The following CD109 variants were observed in gnomAD, a reference collection of about 807,000 sequenced individuals.
The protein encoded by CD109 is CD109 antigen.
Under a neutral mutation model 165.8 loss-of-function variants are expected in CD109, and 149 were observed. The ratio of observed to expected loss-of-function variants is 0.90; its 90% CI spans 0.79 to 1.03. The LOEUF (loss-of-function observed/expected upper bound fraction) is 1.03, where lower values mean the gene tolerates loss of function less well. Ranked by LOEUF, CD109 falls within the 50% of genes least tolerant of loss-of-function variation. The pLI is 0.00. For missense variants in CD109, 1,712 were observed against 1,677.8 expected (o/e 1.02, Z -0.36); for synonymous variants, 585 against 592.1 (o/e 0.99, Z 0.18).
At chr6:73,819,092 C>T (rs1221755878) in intron 31 of CD109, among the ~76,000 whole-genome samples, 1 of 152,212 alleles carries the variant, frequency 6.6e-6, no homozygotes, top group East Asian at 1.9e-4. Context: ...GTCTTGGCTT[C>T]TCAAAGTGTT....
At chr6:73,812,884 A>C (rs1775801739) in intron 29 of CD109, among the ~76,000 whole-genome samples, 1 of 152,134 alleles carries the variant, frequency 6.6e-6, no homozygotes, top group Non-Finnish European at 1.5e-5. Flanking sequence ...ATAATTTGTG[A>C]TAGGACCAAA....
chr6:73,716,595 T>C (rs990711644), intron 2 of CD109, among the ~76,000 whole-genome samples: 2 of 152,234 alleles, frequency 1.3e-5, no homozygotes, highest in Non-Finnish European at 2.9e-5. Flanking sequence ...GAGAAATGTC[T>C]ATTCAGATCG....
At chr6:73,706,065 T>C (rs1318607858) in intron 2 of CD109, among the ~76,000 whole-genome samples, 1 of 152,166 alleles carries the variant, frequency 6.6e-6, no homozygotes, top group Non-Finnish European at 1.5e-5. Flanking sequence ...AAAACCCTCA[T>C]ACTTTCTTCT....
chr6:73,724,429 A>C (rs1396488206), intron 3 of CD109, among the ~76,000 whole-genome samples: 2 of 152,128 alleles, frequency 1.3e-5, no homozygotes, highest in Non-Finnish European at 2.9e-5. Flanking sequence ...TTTCATTACT[A>C]TGCTTTGTTT....
intron 2 of CD109, among the ~76,000 whole-genome samples, chr6:73,711,108 G>A (rs1485392283): frequency 6.6e-6 from 1 of 152,170 alleles, no homozygotes; most frequent in African/African-American, 2.4e-5. Context: ...TGCTGACCCT[G>A]CCATTAAAAA....
At chr6:73,709,113 C>A (rs867388259) in intron 2 of CD109, among the ~76,000 whole-genome samples, 22 of 152,150 alleles carry the variant, frequency 1.4e-4, no homozygotes, top group South Asian at 2.1e-4. Flanking sequence ...AGGTTTTCTT[C>A]TAGGGTTTTT....
At chr6:73,680,915 T>G in the CD109 span, among the ~76,000 whole-genome samples, 1 of 152,122 alleles carries the variant, frequency 6.6e-6, no homozygotes, top group South Asian at 2.1e-4. Flanking sequence ...AGAGAATGCT[T>G]TCTCTTCAGT....
intron 32 of CD109, among the ~76,000 whole-genome samples, chr6:73,822,562 C>T (rs1447361153): frequency 1.3e-5 from 2 of 152,084 alleles, no homozygotes; most frequent in Non-Finnish European, 2.9e-5. Context: ...CTGTGGAGAC[C>T]CAATGACAGT....
In CD109 at chr6:73,766,133, T is replaced by C; in HGVS notation, c.1311T>C (p.Asp437=). The change falls in exon 11 of 33, where the codon GAT becomes GAC. Residue 437 remains aspartate (D), a synonymous_variant. Coordinates refer to ENST00000287097, the MANE Select transcript of CD109 (RefSeq NM_133493.5). ...AGATTGAATTCCCAATCCTGGAGGATTCCAGTGAGCTACAGTTGAAGGTGC... is the reference window on the plus strand; with the variant it reads ...AGATTGAATTCCCAATCCTGGAGGACTCCAGTGAGCTACAGTTGAAGGTGC... The part of the protein sequence containing the change: ...TFKIEFPILE[D]SSELQLKAYF... 1 of 1,613,952 alleles carries C rather than the reference T, an allele frequency of 6.2e-7. No individual in the cohort carries two copies. Among genetic ancestry groups the C allele is most frequent in the Non-Finnish European group, 8.5e-7 (1 of 1,179,844 alleles).
intron 3 of CD109, 41 bp downstream of exon 3, chr6:73,723,320 G>C: frequency 7.3e-7 from 1 of 1,377,436 alleles, no homozygotes; most frequent in Non-Finnish European, 1.0e-6. Context: ...GAAATATATT[G>C]TATCAGTGAA....
At chr6:73,817,914 C>T (rs1352113070) in intron 30 of CD109, among the ~76,000 whole-genome samples, 1 of 152,098 alleles carries the variant, frequency 6.6e-6, no homozygotes, top group Non-Finnish European at 1.5e-5. Context: ...TAAAATCAGA[C>T]GAATAAAAGG....
intron 3 of CD109, among the ~76,000 whole-genome samples, chr6:73,729,657 G>A (rs916336485): frequency 2.6e-5 from 4 of 151,946 alleles, no homozygotes; most frequent in Admixed American, 2.6e-4. Context: ...GGGACTACAG[G>A]CGCATGCCAC....
At chr6:73,737,713 A>G (rs960406872) in intron 5 of CD109, among the ~76,000 whole-genome samples, 2 of 152,182 alleles carry the variant, frequency 1.3e-5, no homozygotes, top group Non-Finnish European at 2.9e-5. Flanking sequence ...GAGAAAGTGG[A>G]AAGAGTAGGC....
chr6:73,741,266 C>A (rs1772774857), intron 5 of CD109, among the ~76,000 whole-genome samples: 1 of 152,130 alleles, frequency 6.6e-6, no homozygotes, highest in South Asian at 2.1e-4. Flanking sequence ...GTGAATAGTT[C>A]TTTGCTACTT....
chr6:73,711,912 G>A (rs1207567219), intron 2 of CD109, among the ~76,000 whole-genome samples: 1 of 152,206 alleles, frequency 6.6e-6, no homozygotes, highest in African/African-American at 2.4e-5. Context: ...ATTTTGGGTA[G>A]TGGTGGAGTC....
At chr6:73,728,488 G>T (rs1338734137) in intron 3 of CD109, among the ~76,000 whole-genome samples, 1 of 152,090 alleles carries the variant, frequency 6.6e-6, no homozygotes, top group Non-Finnish European at 1.5e-5. Context: ...GCCACTTAGG[G>T]TCTACCATTA....
intron 15 of CD109, among the ~76,000 whole-genome samples, chr6:73,772,431 A>G (rs760975732): frequency 4.7e-5 from 7 of 148,982 alleles, no homozygotes; most frequent in African/African-American, 7.4e-5. Flanking sequence ...CATGAATCCC[A>G]GGAGGCGGAG....
At position 73,771,538 on chromosome 6, in the gene CD109, G is replaced by A. The variant is rs751156909; in HGVS notation, c.1784G>A (p.Ser595Asn). The A allele has an allele frequency of 1.3e-5, 21 of 1,608,816 alleles. No homozygotes were observed. Among genetic ancestry groups the A allele is most frequent in the Non-Finnish European group, 1.7e-5 (20 of 1,178,196 alleles). The change falls in exon 15 of 33, where the codon AGT becomes AAT. Residue 595 changes from serine (S) to asparagine (N), a missense_variant. Transcript: ENST00000287097. Reference protein sequence around the residue: ...SIVGIVAVDKSVNLMNASNDI... With the variant: ...SIVGIVAVDKNVNLMNASNDI... ...GTTGGGATTGTAGCTGTTGACAAAAGTGTGAATCTGATGAATGCCTCTAAT... is the reference window on the plus strand; with the variant it reads ...GTTGGGATTGTAGCTGTTGACAAAAATGTGAATCTGATGAATGCCTCTAAT...
At chr6:73,708,204 T>G (rs1176735121) in intron 2 of CD109, among the ~76,000 whole-genome samples, 3 of 151,822 alleles carry the variant, frequency 2.0e-5, no homozygotes, top group Non-Finnish European at 4.4e-5. Context: ...TGTGTCCAAG[T>G]GTTCTCATTG....
Sources: gnomAD v4.1 joint callset for allele counts (sites outside exome capture counted in the v4.1 genomes callset) on GRCh38, gnomAD v4.1.1 for gene constraint, MANE v1.5 for transcripts, NCBI Gene and HGNC (gene_info 2026-07-23, HGNC 2026-07-21) for gene names.